MROH2A: variants seen among roughly 807,000 people sequenced by gnomAD.
The protein encoded by MROH2A is maestro heat like repeat family member 2A.
MROH2A carries 174 observed loss-of-function variants against 200.4 expected under a neutral mutation model. The observed-to-expected ratio is 0.87, with a 90% CI of 0.77 to 0.98. The LOEUF (loss-of-function observed/expected upper bound fraction) is 0.98, where lower values mean the gene tolerates loss of function less well. Ranked by LOEUF, MROH2A falls within the 50% of genes least tolerant of loss-of-function variation. MROH2A has a pLI of 0.00. For missense variants in MROH2A, 2,045 were observed against 2,139.6 expected (o/e 0.96, Z 0.87); for synonymous variants, 829 against 840.4 (o/e 0.99, Z 0.23).
chr2:233,831,786 A>T (rs1002633340), intron 39 of MROH2A, among the ~76,000 whole-genome samples: 2 of 152,222 alleles, frequency 1.3e-5, no homozygotes, highest in African/African-American at 4.8e-5. Context: ...CATGTATTTT[A>T]TTTCACTCAA....
chr2:233,798,168 C>T (rs1304303457), intron 11 of MROH2A, among the ~76,000 whole-genome samples: 1 of 152,216 alleles, frequency 6.6e-6, no homozygotes, highest in African/African-American at 2.4e-5. Context: ...CTCTTTCTTG[C>T]CCCTCTTAAG....
intron 28 of MROH2A, 90 bp from the exon 29 acceptor site, chr2:233,818,562 C>T: frequency 1.2e-6 from 1 of 814,926 alleles, no homozygotes; most frequent in Non-Finnish European, 2.1e-6. Context: ...TGGCTCAGGC[C>T]TGCAAAGCCA....
At chr2:233,797,878 T>C (rs911248321) in intron 11 of MROH2A, among the ~76,000 whole-genome samples, 1 of 152,196 alleles carries the variant, frequency 6.6e-6, no homozygotes, top group African/African-American at 2.4e-5. Context: ...GATGATGGTT[T>C]CCAGCTTAGA....
At chr2:233,801,435 G>C (rs1453195856) in intron 14 of MROH2A, among the ~76,000 whole-genome samples, 1 of 152,136 alleles carries the variant, frequency 6.6e-6, no homozygotes, top group Non-Finnish European at 1.5e-5. Context: ...TATCAGTCAG[G>C]GTTCTCCAGA....
At chr2:233,798,991 G>A (rs1702289456) in intron 12 of MROH2A, 141 bp downstream of exon 12, 1 of 671,660 alleles carries the variant, frequency 1.5e-6, no homozygotes, top group Non-Finnish European at 2.7e-6. Flanking sequence ...CTGCAGAATG[G>A]TGAGGCCAGT....
rs1050864867 is a variant in MROH2A, at chr2:233,828,060, C to T, written c.4114-570C>T. On this transcript the variant is annotated intron_variant, in intron 35 of 41. Coordinates refer to ENST00000389758, the MANE Select transcript of MROH2A (RefSeq NM_001394639.1). The surrounding 1 kb of genome is among the most constrained non-coding windows in gnomAD (Gnocchi z 4.6). ...AACATTTGGAAGCTTAGAGCAACTG[C>T]GCCTAATGGGGGTTTAAGGAACTAG... Among the ~76,000 whole-genome samples, 27 of 152,140 alleles carry T rather than the reference C, an allele frequency of 1.8e-4. No homozygotes were observed. Among genetic ancestry groups the T allele is most frequent in the African/African-American group, 6.0e-4 (25 of 41,418 alleles).
rs1702280883 is a variant in MROH2A at position 233,798,880 on chromosome 2, G to T, written c.1329+30G>T. 3 of 1,523,016 alleles carry T rather than the reference G, an allele frequency of 2.0e-6. 1 individual carries two copies. The East Asian group carries it at 7.4e-5, about 37-fold the overall frequency. 94.3% of individuals were successfully genotyped at this position (1,523,016 alleles called of 1,614,324 possible). On this transcript the variant is annotated intron_variant, in intron 12 of 41. Coordinates refer to ENST00000389758, the MANE Select transcript of MROH2A (RefSeq NM_001394639.1). ...CAGGGCAGAGACCTGGAAATGGGGG[G>T]CACTCAGGGGACCCTGCCAGGGAGG... is the stretch of plus-strand genomic sequence containing the variant.
chr2:233,796,810 G>T (rs934940490), intron 11 of MROH2A, among the ~76,000 whole-genome samples: 1 of 152,204 alleles, frequency 6.6e-6, no homozygotes, highest in Non-Finnish European at 1.5e-5. Context: ...GTACATAATG[G>T]TTAGAAGAGC....
chr2:233,790,678 T>TCCCTCCCTC, intron 5 of MROH2A, among the ~76,000 whole-genome samples: 2 of 93,308 alleles, frequency 2.1e-5, no homozygotes, highest in African/African-American at 8.7e-5. Context: ...CTCCCTCCCT[T>TCCCTCCCTC]CCTTCCTTCC....
chr2:233,787,611 AT>A lies in MROH2A; in HGVS notation c.277-1885del, dbSNP rs1448872255. Among the ~76,000 whole-genome samples the A allele has an allele frequency of 1.6e-4, 13 of 82,778 alleles. 1 individual carries two copies. Among genetic ancestry groups the A allele is most frequent in the Non-Finnish European group, 8.3e-5 (4 of 48,268 alleles). 54.3% of individuals were successfully genotyped at this position (82,778 alleles called of 152,430 possible). On this transcript the variant is annotated intron_variant, in intron 3 of 41. Transcript: ENST00000389758. Reference sequence around the variant, plus strand: ...CATATATATATTATATATTATATATATCATATATACATATATATTATATATA... The same window carrying A: ...CATATATATATTATATATTATATATACATATATACATATATATTATATATA...
upstream of MROH2A, among the ~76,000 whole-genome samples, chr2:233,776,453 T>G (rs1170500024): frequency 6.6e-6 from 1 of 151,552 alleles, no homozygotes; most frequent in Non-Finnish European, 1.5e-5. Flanking sequence ...CCTCCTGGGT[T>G]CAAGTGATTC....
chr2:233,811,899 C>T lies in MROH2A; in HGVS notation c.2591C>T (p.Pro864Leu), dbSNP rs866984468. 27 of 1,550,230 alleles carry T rather than the reference C, an allele frequency of 1.7e-5. 1 individual carries two copies. The highest frequency in any genetic ancestry group is 5.5e-5 in the African/African-American group (4 of 73,038). The change falls in exon 24 of 42, where the codon CCG becomes CTG. Residue 864 changes from proline to leucine, a missense_variant. Coordinates refer to ENST00000389758, the MANE Select transcript of MROH2A (RefSeq NM_001394639.1). ...SIIVAVIKAE[P>L]TDNLVSPVRA... ...GGACAGGCGGTCATCAAGGCAGAAC[C>T]GACTGACAACCTGGTTTCTCCAGTG...
chr2:233,788,594 A>C lies in MROH2A; in HGVS notation c.277-903A>C, dbSNP rs577418987. Among the ~76,000 whole-genome samples, 24 of 152,174 alleles carry C rather than the reference A, an allele frequency of 1.6e-4. No homozygotes were observed. The East Asian group carries it at 4.4e-3, about 28-fold the overall frequency. On this transcript the variant is annotated intron_variant, in intron 3 of 41. Transcript: ENST00000389758. The stretch of plus-strand genomic sequence containing the variant: ...AGAGGAGGAAGGACATTTTTTCCTG[A>C]GGGCTTTGCAGGCAGTGGCTCCACC...
intron 31 of MROH2A, 75 bp from the exon 32 acceptor site, chr2:233,822,049 G>A: frequency 6.8e-7 from 1 of 1,468,626 alleles, no homozygotes; most frequent in South Asian, 1.4e-5. Context: ...GGGCTGCCAA[G>A]GGTTTGAAAG....
Position 233,798,308 on chromosome 2 carries a change from G to A in MROH2A, c.1253-466G>A, listed in dbSNP as rs904952456. ...CTGTCATTATCCACACTTTACAGGC[G>A]AGGAAACTGAGGCGCAGAGGGGCTA... On this transcript the variant is annotated intron_variant, in intron 11 of 41. Transcript: ENST00000389758. 2.0e-5 allele frequency among the ~76,000 whole-genome samples: 3 copies of A among 152,216 alleles called. No homozygotes were observed. The South Asian group carries it at 6.2e-4, about 32-fold the overall frequency.
intron 13 of MROH2A, 115 bp downstream of exon 13, chr2:233,800,014 T>C: frequency 7.2e-7 from 1 of 1,382,764 alleles, no homozygotes; most frequent in Non-Finnish European, 9.9e-7. Context: ...TATCCATTCA[T>C]GACAGGAGTT....
In MROH2A at chr2:233,807,085, A is replaced by G. The variant is rs780863243; in HGVS notation, c.2053-338A>G. Among the ~76,000 whole-genome samples the G allele has an allele frequency of 6.6e-5, 10 of 152,048 alleles. No homozygotes were observed. The highest frequency in any genetic ancestry group is 1.3e-4 in the Non-Finnish European group (9 of 68,034). ...AAGTTACTTAGAATAATAGTCTCCA[A>G]TCTCATCCAGGTTACTGCAAATGCC... On this transcript the variant is annotated intron_variant, in intron 19 of 41. Coordinates refer to ENST00000389758, the MANE Select transcript of MROH2A (RefSeq NM_001394639.1). This position sits in a 1 kb window ranked among gnomAD's most constrained non-coding sequence, Gnocchi z 4.3.
Position 233,820,162 on chromosome 2 carries a change from C to A in MROH2A, c.3512+106C>A. ...GCCTGGAGCCTTGGGCAGTACCCTG[C>A]CCCACCCTGAAGGAGGTCGAAGCCC... On this transcript the variant is annotated intron_variant, in intron 31 of 41. Coordinates refer to ENST00000389758, the MANE Select transcript of MROH2A (RefSeq NM_001394639.1). This position sits in a 1 kb window ranked among gnomAD's most constrained non-coding sequence, Gnocchi z 4.1. 1 of 1,056,436 alleles carries A rather than the reference C, an allele frequency of 9.5e-7. No homozygotes were observed. The highest frequency in any genetic ancestry group is 1.3e-6 in the Non-Finnish European group (1 of 780,538). 65.4% of individuals were successfully genotyped at this position (1,056,436 alleles called of 1,614,324 possible). A position where few individuals can be genotyped will look rare whatever the true frequency, so the allele number is the denominator to read the frequency against.
intron 38 of MROH2A, among the ~76,000 whole-genome samples, chr2:233,830,427 G>A (rs919199411): frequency 6.6e-6 from 1 of 152,186 alleles, no homozygotes; most frequent in Non-Finnish European, 1.5e-5. Flanking sequence ...GATTTGGGGA[G>A]GTTCTGCCCC....
Sources: allele counts gnomAD v4.1 joint callset (sites outside exome capture counted in the v4.1 genomes callset), GRCh38; gene constraint gnomAD v4.1.1; non-coding constraint Gnocchi (gnomAD v3.1); transcripts MANE v1.5; gene names NCBI Gene and HGNC (gene_info 2026-07-23, HGNC 2026-07-21).